The following GALNT13 variants were observed in gnomAD, a reference collection of about 807,000 sequenced individuals.
The protein encoded by GALNT13 is UDP-GalNAc:polypeptide N-acetylgalactosaminyltransferase 13.
GALNT13 carries 28 observed loss-of-function variants against 64.2 expected under a neutral mutation model. The observed-to-expected ratio is 0.44, with a 90% CI of 0.32 to 0.60. GALNT13 has a LOEUF of 0.60. Ranked by LOEUF, GALNT13 falls within the 20% of genes least tolerant of loss-of-function variation. GALNT13 has a pLI of 0.05. For synonymous variants in GALNT13, 214 were observed against 224.6 expected (o/e 0.95, Z 0.42); for missense variants, 577 against 669.8 (o/e 0.86, Z 1.53).
the GALNT13 span, among the ~76,000 whole-genome samples, chr2:153,765,522 C>T: frequency 1.3e-5 from 2 of 152,108 alleles, no homozygotes; most frequent in South Asian, 4.1e-4. Flanking sequence ...AAGTAAGTAA[C>T]TTGCTTTTGA....
chr2:154,149,797 A>G (rs1443943539), intron 4 of GALNT13, among the ~76,000 whole-genome samples: 2 of 152,202 alleles, frequency 1.3e-5, no homozygotes, highest in Non-Finnish European at 2.9e-5. Context: ...GACTTTGCTG[A>G]AGTTGCTTAT....
At chr2:154,281,288 T>C (rs776178133) in intron 8 of GALNT13, among the ~76,000 whole-genome samples, 5 of 152,202 alleles carry the variant, frequency 3.3e-5, no homozygotes, top group Non-Finnish European at 7.3e-5. Context: ...TTTTATTTCT[T>C]GCCTGTTATA....
chr2:154,238,783 T>G (rs1011134608), intron 4 of GALNT13, among the ~76,000 whole-genome samples: 2 of 152,030 alleles, frequency 1.3e-5, no homozygotes, highest in African/African-American at 4.8e-5. Context: ...ACATAAACAT[T>G]GTGAAATGAT....
intron 9 of GALNT13, among the ~76,000 whole-genome samples, chr2:154,333,965 C>G (rs567000152): frequency 2.0e-5 from 3 of 151,932 alleles, no homozygotes; most frequent in Admixed American, 6.6e-5. Flanking sequence ...CTACAATTGT[C>G]GTAACTTGCA....
chr2:154,223,338 T>C (rs903474993), intron 4 of GALNT13, among the ~76,000 whole-genome samples: 7 of 152,104 alleles, frequency 4.6e-5, no homozygotes, highest in Non-Finnish European at 8.8e-5. Flanking sequence ...GGATAGATAC[T>C]GTATCTATTT....
intron 9 of GALNT13, among the ~76,000 whole-genome samples, chr2:154,395,325 A>G (rs571441318): frequency 1.3e-5 from 2 of 152,306 alleles, no homozygotes; most frequent in African/African-American, 4.8e-5. Flanking sequence ...TCATTTAAAT[A>G]TCAAATATTC....
At chr2:153,211,057 A>G in the GALNT13 span, among the ~76,000 whole-genome samples, 1,726 of 152,258 alleles carry the variant, frequency 0.011, 34 homozygotes, top group African/African-American at 0.038. Context: ...TTACTACAAA[A>G]TTATTTTGAT....
At chr2:153,444,764 A>G in the GALNT13 span, among the ~76,000 whole-genome samples, 2 of 152,134 alleles carry the variant, frequency 1.3e-5, no homozygotes, top group African/African-American at 2.4e-5. Flanking sequence ...GCTATGTATC[A>G]GTGTTTTTTT....
At chr2:153,566,822 A>G in the GALNT13 span, among the ~76,000 whole-genome samples, 1 of 140,078 alleles carries the variant, frequency 7.1e-6, no homozygotes, top group South Asian at 2.4e-4. Context: ...AGATCTTAAA[A>G]TATATGCCTA....
chr2:154,024,337 CAG>C (rs1558915585), intron 3 of GALNT13, among the ~76,000 whole-genome samples: 9 of 152,294 alleles, frequency 5.9e-5, no homozygotes, highest in South Asian at 4.1e-4. Context: ...GTACACCAAT[CAG>C]ACATAGATTT....
intron 4 of GALNT13, among the ~76,000 whole-genome samples, chr2:154,191,301 ACTTCT>A (rs1686565137): frequency 6.6e-6 from 1 of 152,164 alleles, no homozygotes; most frequent in Non-Finnish European, 1.5e-5. Context: ...TGGCTCACTG[ACTTCT>A]CTTTTCCTGA....
chr2:153,557,555 C>T, the GALNT13 span, among the ~76,000 whole-genome samples: 3 of 152,170 alleles, frequency 2.0e-5, no homozygotes, highest in Admixed American at 6.5e-5. Context: ...GTTTCATTTA[C>T]TATCATTTCT....
chr2:153,454,627 C>G, the GALNT13 span, among the ~76,000 whole-genome samples: 11 of 152,130 alleles, frequency 7.2e-5, no homozygotes, highest in Non-Finnish European at 1.6e-4. Flanking sequence ...TTACATTTGT[C>G]CAAGAAAGAA....
At chr2:153,800,045 G>GCTCTCTCTCTCTCTATCTCTCT in the GALNT13 span, among the ~76,000 whole-genome samples, 1 of 118,930 alleles carries the variant, frequency 8.4e-6, no homozygotes, top group Non-Finnish European at 1.8e-5. Context: ...CATTTAGTTT[G>GCTCTCTCTCTCTCTATCTCTCT]CTCTCTCTCT....
At chr2:153,792,044 A>G in the GALNT13 span, among the ~76,000 whole-genome samples, 5 of 152,154 alleles carry the variant, frequency 3.3e-5, no homozygotes, top group African/African-American at 9.7e-5. Flanking sequence ...AAACGTACAC[A>G]TGTACCCCTA....
the GALNT13 span, among the ~76,000 whole-genome samples, chr2:153,279,402 T>C: frequency 2.0e-5 from 3 of 152,102 alleles, no homozygotes; most frequent in Admixed American, 6.5e-5. Flanking sequence ...CTATATTGAA[T>C]AAGATTGGTG....
intron 8 of GALNT13, among the ~76,000 whole-genome samples, chr2:154,281,058 T>C (rs1313013081): frequency 1.3e-5 from 2 of 152,224 alleles, no homozygotes; most frequent in Non-Finnish European, 2.9e-5. Context: ...GCCTCCAGGA[T>C]GTATTATACC....
At chr2:153,198,343 A>G in the GALNT13 span, among the ~76,000 whole-genome samples, 1 of 152,138 alleles carries the variant, frequency 6.6e-6, no homozygotes, top group Admixed American at 6.5e-5. Flanking sequence ...CTAGAATTAC[A>G]GGAGTCTGAG....
chr2:154,023,579 T>TA, intron 3 of GALNT13, among the ~76,000 whole-genome samples: 1 of 152,322 alleles, frequency 6.6e-6, no homozygotes, highest in East Asian at 1.9e-4. Context: ...ATTTTGAGCC[T>TA]ATGTGTGTCT....
Sources: allele counts gnomAD v4.1 joint callset (sites outside exome capture counted in the v4.1 genomes callset), GRCh38; gene constraint gnomAD v4.1.1; transcripts MANE v1.5; gene names NCBI Gene and HGNC (gene_info 2026-07-23, HGNC 2026-07-21).